Variants in GRIN2B observed in about 807,000 individuals in gnomAD.
The protein encoded by GRIN2B is glutamate receptor ionotropic, NMDA 2B.
In GRIN2B, 5 loss-of-function variants were observed where a neutral mutation model predicts 114.5. The observed-to-expected ratio is 0.04, with a 90% CI of 0.02 to 0.09. The LOEUF (loss-of-function observed/expected upper bound fraction) is 0.09, where lower values mean the gene tolerates loss of function less well. GRIN2B is among the 10% of genes least tolerant of loss of function. GRIN2B has a pLI of 1.00. For synonymous variants in GRIN2B, 787 were observed against 745.1 expected, an observed-to-expected ratio of 1.06 and a Z score of -0.92; for missense variants, 1,108 against 1,943.5, an observed-to-expected ratio of 0.57 and a Z score of 8.08.
In GRIN2B at chr12:13,548,345, T is replaced by C. The variant is rs1565445121; in HGVS notation, c.*14438A>G. ...GTAAGACTTCCTCCATTGGCCGCTA[T>C]GGTACAGCTCAGAAAAGCTGAACTT... On this transcript the variant is annotated 3_prime_UTR_variant, in exon 14 of 14. Transcript: ENST00000609686. 2.0e-5 allele frequency: 3 copies of C among 152,104 alleles called. No individual in the cohort carries two copies. Among genetic ancestry groups the C allele is most frequent in the African/African-American group, 7.2e-5 (3 of 41,412 alleles). 9.4% of individuals were successfully genotyped at this position (152,104 alleles called of 1,614,324 possible). A position where few individuals can be genotyped will look rare whatever the true frequency, so the allele number is the denominator to read the frequency against.
intron 2 of GRIN2B, among the ~76,000 whole-genome samples, chr12:13,965,243 T>C (rs1299763304): frequency 2.0e-5 from 3 of 152,344 alleles, no homozygotes; most frequent in African/African-American, 4.8e-5. Context: ...CCCTGGTCTC[T>C]TTAAGGTAAC....
At chr12:13,916,574 C>T (rs1014906102) in intron 2 of GRIN2B, among the ~76,000 whole-genome samples, 2 of 151,980 alleles carry the variant, frequency 1.3e-5, no homozygotes, top group African/African-American at 2.4e-5. Flanking sequence ...ATCGGCCAGG[C>T]GTGGTGGCTC....
rs113627714 is a variant in GRIN2B at position 13,941,792 on chromosome 12, G to A, written c.-19+38136C>T. Among the ~76,000 whole-genome samples, 820 of 152,354 alleles carry A rather than the reference G, an allele frequency of 5.4e-3. 6 individuals carry two copies. The highest frequency in any genetic ancestry group is 0.019 in the African/African-American group (792 of 41,582). ...ATCTACGTGTGTGCAAACCATGGTA[G>A]CCGAAGGCTGAAAACAACTAAACAT... is the stretch of plus-strand genomic sequence containing the variant. On this transcript the variant is annotated intron_variant, in intron 2 of 13. Transcript: ENST00000609686.
At chr12:13,860,561 G>A (rs1247883232) in intron 3 of GRIN2B, among the ~76,000 whole-genome samples, 1 of 152,114 alleles carries the variant, frequency 6.6e-6, no homozygotes, top group Non-Finnish European at 1.5e-5. Context: ...CTTACTTAGG[G>A]TGATCTGCCT....
At chr12:13,906,128 T>C (rs1866531103) in intron 2 of GRIN2B, among the ~76,000 whole-genome samples, 1 of 152,228 alleles carries the variant, frequency 6.6e-6, no homozygotes, top group South Asian at 2.1e-4. Flanking sequence ...AATTTGATGG[T>C]TTCAGACATC....
intron 4 of GRIN2B, among the ~76,000 whole-genome samples, chr12:13,721,041 C>G (rs763115511): frequency 2.0e-5 from 3 of 151,920 alleles, no homozygotes; most frequent in African/African-American, 7.3e-5. Flanking sequence ...AGATAGTGAC[C>G]AAGAAGCTGC....
At chr12:13,846,671 C>T (rs1377575270) in intron 3 of GRIN2B, among the ~76,000 whole-genome samples, 2 of 152,134 alleles carry the variant, frequency 1.3e-5, no homozygotes, top group Non-Finnish European at 2.9e-5. Context: ...TGCACATTCC[C>T]CCGGAAGCCA....
At chr12:13,616,072 C>G (rs1356669075) in intron 6 of GRIN2B, among the ~76,000 whole-genome samples, 1 of 152,124 alleles carries the variant, frequency 6.6e-6, no homozygotes, top group Non-Finnish European at 1.5e-5. Flanking sequence ...ATTATCCTGA[C>G]TTTTAAAAGC....
At position 13,571,933 on chromosome 12, in the gene GRIN2B, A is replaced by T; in HGVS notation, c.2042T>A (p.Phe681Tyr). 1 of 1,614,018 alleles carries T rather than the reference A, an allele frequency of 6.2e-7. No individual in the cohort carries two copies. The highest frequency in any genetic ancestry group is 8.5e-7 in the Non-Finnish European group (1 of 1,179,926). ...GCCGTTGGGCACGGTCCCAAAGCGG[A>T]AAGGGGGTGAGAAGTCATTAGGTCT... ...FQRPNDFSPP[F>Y]RFGTVPNGST... Residue 681 changes from phenylalanine (F) to tyrosine (Y), a missense_variant, in exon 11 of 14, where the codon TTC becomes TAC. Physicochemically the swap from Phe to Tyr is conservative, Grantham distance 22. Transcript: ENST00000609686.
At chr12:13,665,865 T>C (rs1949968888) in intron 5 of GRIN2B, among the ~76,000 whole-genome samples, 1 of 152,226 alleles carries the variant, frequency 6.6e-6, no homozygotes, top group South Asian at 2.1e-4. Flanking sequence ...TTGTGTTCAC[T>C]TTTCTATAAA....
At position 13,675,745 on chromosome 12, in the gene GRIN2B, C is replaced by T. The variant is rs200126922; in HGVS notation, c.1125G>A (p.Arg375=). 1.3e-5 allele frequency: 21 copies of T among 1,570,790 alleles called. No individual in the cohort carries two copies. Among genetic ancestry groups the T allele is most frequent in the African/African-American group, 2.7e-5 (2 of 73,970 alleles). Residue 375 remains arginine, a splice_region_variant and synonymous_variant, in exon 5 of 14, where the codon AGG becomes AGA. Coordinates refer to ENST00000609686, the MANE Select transcript of GRIN2B (RefSeq NM_000834.5). The stretch of plus-strand genomic sequence containing the variant: ...AAGAATTGTCAAAGACATGTCTTAC[C>T]CTTTCCCACTTCCTCTCCTTGTTCA... ...ILLNKERKWE[R]VGKWKDKSLQ... is the part of the protein sequence containing the mutation.
In GRIN2B at chr12:13,682,793, G is replaced by A. The variant is rs139285036; in HGVS notation, c.1011-6934C>T. ...TCATGAGAGGTGTAAGTGGCAATGTGTAAATTCACCATCTATTATGAAGAA... is the reference window on the plus strand; with the variant it reads ...TCATGAGAGGTGTAAGTGGCAATGTATAAATTCACCATCTATTATGAAGAA... On this transcript the variant is annotated intron_variant, in intron 4 of 13. Coordinates refer to ENST00000609686, the MANE Select transcript of GRIN2B (RefSeq NM_000834.5). Among the ~76,000 whole-genome samples the A allele has an allele frequency of 2.0e-4, 31 of 152,258 alleles. 1 individual carries two copies. In the East Asian group the frequency reaches 5.8e-3, roughly 28 times the overall value.
chr12:13,681,812 T>G (rs945125115), intron 4 of GRIN2B, among the ~76,000 whole-genome samples: 1 of 152,192 alleles, frequency 6.6e-6, no homozygotes, highest in Non-Finnish European at 1.5e-5. Context: ...TTTCATCTGA[T>G]TAATACTGTT....
At chr12:13,569,013 AC>A (rs1591610286) in intron 12 of GRIN2B, among the ~76,000 whole-genome samples, 2 of 152,204 alleles carry the variant, frequency 1.3e-5, no homozygotes, top group East Asian at 3.9e-4. Context: ...TCTCCGCCCT[AC>A]CTCTGGGCAC....
intron 4 of GRIN2B, among the ~76,000 whole-genome samples, chr12:13,737,989 G>T (rs1328037558): frequency 6.6e-6 from 1 of 152,092 alleles, no homozygotes; most frequent in Non-Finnish European, 1.5e-5. Flanking sequence ...GCCAAGATTG[G>T]GCTCGGTCAG....
At chr12:13,834,025 T>A in intron 3 of GRIN2B, among the ~76,000 whole-genome samples, 1 of 86,102 alleles carries the variant, frequency 1.2e-5, no homozygotes, top group Non-Finnish European at 2.8e-5. Context: ...AACTTCTTTT[T>A]TTTTTTTTTT....
chr12:13,978,289 G>A (rs1863064623), intron 2 of GRIN2B, among the ~76,000 whole-genome samples: 1 of 152,198 alleles, frequency 6.6e-6, no homozygotes, highest in Non-Finnish European at 1.5e-5. Context: ...GAGTTCAGGT[G>A]TCTCTAAGGT....
intron 2 of GRIN2B, among the ~76,000 whole-genome samples, chr12:13,961,298 A>C (rs964412423): frequency 1.3e-5 from 2 of 152,090 alleles, no homozygotes; most frequent in Non-Finnish European, 2.9e-5. Flanking sequence ...CAGTGATGTA[A>C]GTGAAGTGGA....
intron 4 of GRIN2B, among the ~76,000 whole-genome samples, chr12:13,748,154 G>A (rs71457202): frequency 0.02 from 3,037 of 152,310 alleles, 51 homozygotes; most frequent in Non-Finnish European, 0.027. Flanking sequence ...AGGGAAGGAG[G>A]AAACAAATGT....
Sources: gnomAD v4.1 joint callset for allele counts (sites outside exome capture counted in the v4.1 genomes callset) on GRCh38, gnomAD v4.1.1 for gene constraint, MANE v1.5 for transcripts, NCBI Gene and HGNC (gene_info 2026-07-23, HGNC 2026-07-21) for gene names.